Variants in LRRC4C observed in about 807,000 individuals in gnomAD.
The protein encoded by LRRC4C is leucine-rich repeat-containing protein 4C.
In LRRC4C, 5 loss-of-function variants were observed where a neutral mutation model predicts 33.6. That is an observed-to-expected ratio of 0.15 (90% CI 0.08 to 0.31). The LOEUF (loss-of-function observed/expected upper bound fraction) is 0.31, where lower values mean the gene tolerates loss of function less well. Among genes scored for constraint, LRRC4C ranks in the 10% least tolerant of loss-of-function variants. The pLI, the probability that LRRC4C is intolerant of heterozygous loss-of-function variation, is 1.00. For synonymous variants in LRRC4C, 329 were observed against 302.0 expected, an observed-to-expected ratio of 1.09 and a Z score of -0.93; for missense variants, 560 against 796.7, an observed-to-expected ratio of 0.70 and a Z score of 3.58.
chr11:41,454,651 A>G (rs1442557082), intron 1 of LRRC4C, among the ~76,000 whole-genome samples: 1 of 152,152 alleles, frequency 6.6e-6, no homozygotes, highest in Non-Finnish European at 1.5e-5. Flanking sequence ...AGTTCTGAGT[A>G]TAAGTGAAAT....
At chr11:40,867,213 T>C (rs1382791141) in intron 2 of LRRC4C, among the ~76,000 whole-genome samples, 1 of 152,130 alleles carries the variant, frequency 6.6e-6, no homozygotes, top group Non-Finnish European at 1.5e-5. Context: ...ATGTCCTAAG[T>C]ATTGAATAAA....
intron 4 of LRRC4C, among the ~76,000 whole-genome samples, chr11:40,307,277 T>C (rs1945087027): frequency 6.6e-6 from 1 of 152,192 alleles, no homozygotes. Flanking sequence ...TTTTAAATAC[T>C]GGACATAAAC....
chr11:41,152,214 C>A (rs1169969407), intron 1 of LRRC4C, among the ~76,000 whole-genome samples: 1 of 152,188 alleles, frequency 6.6e-6, no homozygotes, highest in African/African-American at 2.4e-5. Context: ...CCTGCCTACA[C>A]CTGAGTGACT....
At chr11:41,181,513 A>G (rs1009968648) in intron 1 of LRRC4C, among the ~76,000 whole-genome samples, 3 of 152,182 alleles carry the variant, frequency 2.0e-5, no homozygotes, top group East Asian at 1.9e-4. Context: ...AGCTCTGCTG[A>G]GCTCCTTTAG....
intron 6 of LRRC4C, among the ~76,000 whole-genome samples, chr11:40,132,886 A>G (rs917420314): frequency 2.6e-5 from 4 of 152,198 alleles, no homozygotes; most frequent in African/African-American, 9.7e-5. Flanking sequence ...AGAAAAGCGT[A>G]TAAAAAGGGC....
intron 1 of LRRC4C, among the ~76,000 whole-genome samples, chr11:40,960,210 T>C (rs1005026456): frequency 2.0e-5 from 3 of 151,782 alleles, no homozygotes; most frequent in Non-Finnish European, 4.4e-5. Context: ...TCTATAAAAA[T>C]GTATTTTTAA....
chr11:41,103,748 G>A (rs1941336961), intron 1 of LRRC4C, among the ~76,000 whole-genome samples: 2 of 151,998 alleles, frequency 1.3e-5, no homozygotes, highest in South Asian at 4.1e-4. Flanking sequence ...CAAAGCTATA[G>A]GAATCAAGAG....
chr11:40,532,404 A>C (rs1956306883), intron 3 of LRRC4C, among the ~76,000 whole-genome samples: 1 of 151,918 alleles, frequency 6.6e-6, no homozygotes, highest in African/African-American at 2.4e-5. Flanking sequence ...TATTATTGTA[A>C]ATTCAATCTA....
intron 3 of LRRC4C, among the ~76,000 whole-genome samples, chr11:40,602,205 A>AG (rs1434525679): frequency 8.5e-6 from 1 of 117,068 alleles, no homozygotes; most frequent in Non-Finnish European, 2.0e-5. Flanking sequence ...AAAAAAAAAA[A>AG]AAAAAGAAAA....
chr11:40,230,995 A>G (rs1445096340), intron 5 of LRRC4C, among the ~76,000 whole-genome samples: 1 of 152,152 alleles, frequency 6.6e-6, no homozygotes, highest in Non-Finnish European at 1.5e-5. Flanking sequence ...AGACTGTAAG[A>G]TTTGCAAGGG....
chr11:40,669,119 C>A (rs1284791276), intron 2 of LRRC4C, among the ~76,000 whole-genome samples: 1 of 152,168 alleles, frequency 6.6e-6, no homozygotes, highest in African/African-American at 2.4e-5. Flanking sequence ...TTTAAACCAA[C>A]TTAATATTTT....
chr11:41,359,563 G>A (rs576998926), intron 1 of LRRC4C, among the ~76,000 whole-genome samples: 31 of 152,068 alleles, frequency 2.0e-4, no homozygotes, highest in Middle Eastern at 3.4e-3. Context: ...ACACAGAGTC[G>A]AATTTTATAA....
intron 6 of LRRC4C, among the ~76,000 whole-genome samples, chr11:40,118,157 A>C (rs964327572): frequency 2.7e-5 from 4 of 148,410 alleles, no homozygotes; most frequent in Admixed American, 6.7e-5. Flanking sequence ...ATTACCATTA[A>C]ATTTAATATT....
At chr11:40,476,052 A>C (rs967264111) in intron 3 of LRRC4C, among the ~76,000 whole-genome samples, 1 of 152,102 alleles carries the variant, frequency 6.6e-6, no homozygotes, top group African/African-American at 2.4e-5. Context: ...CTGCATCTCC[A>C]GACATTGCAA....
intron 1 of LRRC4C, among the ~76,000 whole-genome samples, chr11:41,290,723 C>T (rs1429697500): frequency 6.6e-6 from 1 of 151,968 alleles, no homozygotes; most frequent in Non-Finnish European, 1.5e-5. Context: ...TAGATTCCTG[C>T]CATGAAGGGA....
chr11:41,127,781 A>G (rs1942818942), intron 1 of LRRC4C, among the ~76,000 whole-genome samples: 1 of 152,084 alleles, frequency 6.6e-6, no homozygotes, highest in Non-Finnish European at 1.5e-5. Flanking sequence ...TGAACGATGG[A>G]GCTTTTATCA....
At position 40,753,995 on chromosome 11, in the gene LRRC4C, A is replaced by G. The variant is rs569785484; in HGVS notation, c.-406-105717T>C. 2.8e-4 allele frequency among the ~76,000 whole-genome samples: 42 copies of G among 152,062 alleles called. 1 individual carries two copies. The South Asian group carries it at 8.1e-3, about 29-fold the overall frequency. ...ATATATATTCACTGTATATATATTC[A>G]CTGTATATATATATATACACACACA... On this transcript the variant is annotated intron_variant, in intron 2 of 6. Transcript: ENST00000528697.
chr11:40,568,310 A>G (rs952538657), intron 3 of LRRC4C, among the ~76,000 whole-genome samples: 8 of 152,174 alleles, frequency 5.3e-5, no homozygotes, highest in Non-Finnish European at 7.3e-5. Context: ...TGTAGGGCAC[A>G]TACGTTATTG....
intron 3 of LRRC4C, among the ~76,000 whole-genome samples, chr11:40,477,580 C>T (rs779673939): frequency 9.2e-5 from 14 of 151,848 alleles, no homozygotes; most frequent in Non-Finnish European, 1.9e-4. Context: ...TACTCATTTG[C>T]TTATGTTTAA....
Sources: allele counts gnomAD v4.1 joint callset (sites outside exome capture counted in the v4.1 genomes callset), GRCh38; gene constraint gnomAD v4.1.1; transcripts MANE v1.5; gene names NCBI Gene and HGNC (gene_info 2026-07-23, HGNC 2026-07-21).